Variants in ARHGAP39 observed in about 807,000 individuals in gnomAD.
ARHGAP39 encodes rho GTPase-activating protein 39.
A neutral mutation model predicts 106.9 loss-of-function variants in ARHGAP39; 44 were observed. That is an observed-to-expected ratio of 0.41 (90% CI 0.32 to 0.53). The LOEUF (loss-of-function observed/expected upper bound fraction) is 0.53, where lower values mean the gene tolerates loss of function less well. Ranked by LOEUF, ARHGAP39 falls within the 20% of genes least tolerant of loss-of-function variation. ARHGAP39 has a pLI of 0.21. For missense variants in ARHGAP39, 1,496 were observed against 1,577.3 expected (o/e 0.95, Z 0.87); for synonymous variants, 768 against 693.2 (o/e 1.11, Z -1.69).
chr8:144,584,781 GAATA>G, intron 2 of ARHGAP39, among the ~76,000 whole-genome samples: 1 of 152,136 alleles, frequency 6.6e-6, no homozygotes, highest in Middle Eastern at 3.4e-3. Context: ...TAAATAAATA[GAATA>G]AATCGAGTTT....
At chr8:144,537,548 G>A (rs1817008718) in intron 7 of ARHGAP39, among the ~76,000 whole-genome samples, 173 bp downstream of exon 7, 1 of 152,174 alleles carries the variant, frequency 6.6e-6, no homozygotes, top group Non-Finnish European at 1.5e-5. Context: ...ACCGCTCCAG[G>A]GGTCCAGTCA....
chr8:144,546,358 A>AT (rs369798840), intron 5 of ARHGAP39, among the ~76,000 whole-genome samples: 312 of 152,236 alleles, frequency 2.0e-3, no homozygotes, highest in African/African-American at 6.9e-3. Context: ...CTTGTCCTGC[A>AT]TCTTGAGAAG....
At position 144,545,258 on chromosome 8, in the gene ARHGAP39, C is replaced by A. The variant is rs755123319; in HGVS notation, c.2512G>T (p.Asp838Tyr). ...YIYRHMDPVN[D>Y]TKVTQHIKEL... ...CCGTGCATGGCCTTACCTTTAGTGT[C>A]ATTGACGGGGTCCATGTGCCGGTAG... Residue 838 changes from aspartate to tyrosine, a missense_variant, in exon 6 of 12, where the codon GAC becomes TAC. By Grantham distance (160) the Asp-to-Tyr change is radical. Around this residue, in one of 4 missense-constraint regions of ARHGAP39, gnomAD observed 470 missense variants for 605.1 expected, o/e 0.78. Transcript: ENST00000377307. The A allele has an allele frequency of 6.5e-7, 1 of 1,540,340 alleles. No individual in the cohort carries two copies. The highest frequency in any genetic ancestry group is 8.8e-7 in the Non-Finnish European group (1 of 1,136,684).
At chr8:144,563,942 AAAGTT>A (rs1818300503) in intron 3 of ARHGAP39, among the ~76,000 whole-genome samples, 1 of 152,260 alleles carries the variant, frequency 6.6e-6, no homozygotes, top group Non-Finnish European at 1.5e-5. Flanking sequence ...ATATTGCAGT[AAAGTT>A]ATTTCGATGT....
the ARHGAP39 span, among the ~76,000 whole-genome samples, chr8:144,693,702 G>A: frequency 2.0e-5 from 3 of 152,174 alleles, no homozygotes; most frequent in Non-Finnish European, 4.4e-5. Flanking sequence ...TGAGAGATTT[G>A]TTTCCCAATG....
At chr8:144,657,157 G>A (rs559169703) in intron 1 of ARHGAP39, among the ~76,000 whole-genome samples, 131 of 152,058 alleles carry the variant, frequency 8.6e-4, no homozygotes, top group African/African-American at 2.8e-3. Flanking sequence ...ACTTTTGCAG[G>A]CCAAGGTGGG....
chr8:144,600,955 T>A (rs552576499), intron 2 of ARHGAP39, among the ~76,000 whole-genome samples: 1 of 143,920 alleles, frequency 6.9e-6, no homozygotes, highest in East Asian at 2.2e-4. Flanking sequence ...TGTGTGCTCG[T>A]ATACCTGTGT....
At position 144,547,915 on chromosome 8, in the gene ARHGAP39, C is replaced by A. The variant is rs1251206494; in HGVS notation, c.1171G>T (p.Gly391Cys). The A allele has an allele frequency of 1.3e-6, 2 of 1,584,122 alleles. No individual in the cohort carries two copies. The highest frequency in any genetic ancestry group is 1.7e-6 in the Non-Finnish European group (2 of 1,165,712). The change falls in exon 5 of 12, where the codon GGC becomes TGC. Residue 391 changes from glycine (G) to cysteine (C), a missense_variant. Physicochemically the swap from Gly to Cys is radical, Grantham distance 159 (BLOSUM62 -3). Around this residue, in one of 4 missense-constraint regions of ARHGAP39, gnomAD observed 905 missense variants for 816.4 expected, o/e 1.11. Coordinates refer to ENST00000377307, the MANE Select transcript of ARHGAP39 (RefSeq NM_025251.3). The surrounding 1 kb of genome is among the most constrained non-coding windows in gnomAD (Gnocchi z 5.2). ...RFLSLEYSPAGKEYVRQLVYV... is the reference protein window; with the variant it reads ...RFLSLEYSPACKEYVRQLVYV... The stretch of plus-strand genomic sequence containing the variant: ...ACCAGCTGCCGCACGTACTCCTTGC[C>A]GGCGGGACTGTACTCCAGGCTCAGG...
At chr8:144,630,235 T>C (rs922659613) in intron 1 of ARHGAP39, among the ~76,000 whole-genome samples, 12 of 152,238 alleles carry the variant, frequency 7.9e-5, no homozygotes, top group African/African-American at 2.9e-4. Flanking sequence ...CCACAACTCA[T>C]GTGCTCGCCC....
In ARHGAP39 at chr8:144,647,790, G is replaced by GAGAGGGAACC. The variant is rs1821483058; in HGVS notation, c.-82+37886_-82+37895dup. ...ATGCATGCGTCCACGGGGACCCCAA[G>GAGAGGGAACC]AGAGGGAACCAGAGGGAACAATGGA... On this transcript the variant is annotated intron_variant, in intron 1 of 11. Transcript: ENST00000377307. This position sits in a 1 kb window ranked among gnomAD's most constrained non-coding sequence, Gnocchi z 4.8. Among the ~76,000 whole-genome samples, 1 of 152,248 alleles carries GAGAGGGAACC rather than the reference G, an allele frequency of 6.6e-6. No individual in the cohort carries two copies. Among genetic ancestry groups the GAGAGGGAACC allele is most frequent in the Non-Finnish European group, 1.5e-5 (1 of 68,046 alleles).
intron 10 of ARHGAP39, among the ~76,000 whole-genome samples, chr8:144,531,208 GTGGGC>G (rs879520356): frequency 0.016 from 2,322 of 146,032 alleles, 82 homozygotes; most frequent in Non-Finnish European, 0.024. Context: ...CAGGTGGGGA[GTGGGC>G]TAGACATAGC....
intron 1 of ARHGAP39, among the ~76,000 whole-genome samples, chr8:144,607,170 T>A (rs1314036243): frequency 7.4e-6 from 1 of 135,690 alleles, no homozygotes; most frequent in Non-Finnish European, 1.5e-5. Context: ...CAGCTACACG[T>A]GAGGAAGAGG....
rs539415507 is a variant in ARHGAP39, at chr8:144,598,079, G to A, written c.80+7456C>T. Among the ~76,000 whole-genome samples, 38 of 152,364 alleles carry A rather than the reference G, an allele frequency of 2.5e-4. No homozygotes were observed. The South Asian group carries it at 7.9e-3, about 32-fold the overall frequency. Reference sequence around the variant, plus strand: ...AGGGAAGGAGAGTCCGGCCAGAGTAGGAGCTCCGTGGTGGGGAAGGAGCAG... The same window carrying A: ...AGGGAAGGAGAGTCCGGCCAGAGTAAGAGCTCCGTGGTGGGGAAGGAGCAG... On this transcript the variant is annotated intron_variant, in intron 2 of 11. Transcript: ENST00000377307.
At chr8:144,576,148 C>G (rs1023743577) in intron 3 of ARHGAP39, among the ~76,000 whole-genome samples, 13 of 151,922 alleles carry the variant, frequency 8.6e-5, no homozygotes, top group Non-Finnish European at 4.4e-5. Flanking sequence ...CAGCCACCAA[C>G]ATGGTGAAAC....
intron 6 of ARHGAP39, among the ~76,000 whole-genome samples, chr8:144,540,478 A>G (rs1817144435): frequency 6.6e-6 from 1 of 152,244 alleles, no homozygotes; most frequent in African/African-American, 2.4e-5. Flanking sequence ...ATTTTAAAAT[A>G]TCAGCTTCTA....
intron 1 of ARHGAP39, among the ~76,000 whole-genome samples, chr8:144,620,556 CGT>C (rs138456101): frequency 1.4e-5 from 2 of 145,844 alleles, no homozygotes; most frequent in Non-Finnish European, 3.0e-5. Flanking sequence ...TGCCCGTGTG[CGT>C]GAGCTTGTGT....
At chr8:144,628,301 C>G (rs1820976353) in intron 1 of ARHGAP39, among the ~76,000 whole-genome samples, 1 of 152,020 alleles carries the variant, frequency 6.6e-6, no homozygotes, top group Non-Finnish European at 1.5e-5. Flanking sequence ...TGAACATTTG[C>G]CAGGTAAAAG....
chr8:144,621,653 C>T (rs1347511123), intron 1 of ARHGAP39, among the ~76,000 whole-genome samples: 3 of 152,056 alleles, frequency 2.0e-5, no homozygotes, highest in Non-Finnish European at 2.9e-5. Context: ...CCCATCTCTA[C>T]GAAAAAATAC....
At chr8:144,575,946 CT>C (rs1464075120) in intron 3 of ARHGAP39, among the ~76,000 whole-genome samples, 1 of 152,170 alleles carries the variant, frequency 6.6e-6, no homozygotes, top group East Asian at 1.9e-4. Flanking sequence ...ATGCAGTGTG[CT>C]GCTGATGGAA....
Sources: allele counts gnomAD v4.1 joint callset (sites outside exome capture counted in the v4.1 genomes callset), GRCh38; gene constraint gnomAD v4.1.1; regional missense constraint gnomAD v4.1.1; non-coding constraint Gnocchi (gnomAD v3.1); transcripts MANE v1.5; gene names NCBI Gene and HGNC (gene_info 2026-07-23, HGNC 2026-07-21).